Variants in SYNGR4 observed in about 807,000 individuals in gnomAD.
The protein encoded by SYNGR4 is synaptogyrin 4, also known as synaptogyrin-4.
In SYNGR4, 15 loss-of-function variants were observed where a neutral mutation model predicts 15.5. The observed-to-expected ratio is 0.97, with a 90% confidence interval of 0.65 to 1.49. The LOEUF (loss-of-function observed/expected upper bound fraction) is 1.49. SYNGR4 is among the 40% of genes most tolerant of loss of function. SYNGR4 has a pLI of 0.00. For synonymous variants in SYNGR4, 121 were observed against 127.4 expected (o/e 0.95, Z 0.34); for missense variants, 292 against 299.3 (o/e 0.98, Z 0.18).
At chr19:48,367,883 T>G (rs1405631727) in intron 2 of SYNGR4, among the ~76,000 whole-genome samples, 2 of 152,194 alleles carry the variant, frequency 1.3e-5, no homozygotes, top group Admixed American at 1.3e-4. Flanking sequence ...CCACTCCGCT[T>G]TAACAGAATT....
chr19:48,375,349 A>G (rs374423309), intron 3 of SYNGR4, among the ~76,000 whole-genome samples: 1 of 152,100 alleles, frequency 6.6e-6, no homozygotes, highest in Non-Finnish European at 1.5e-5. Flanking sequence ...TAATGAATAG[A>G]AATTTAAACC....
chr19:48,373,701 T>C lies in SYNGR4; in HGVS notation c.278T>C (p.Ile93Thr), dbSNP rs775418825. ...FLVLDTQETRIAGTRFKTAFQ... is the reference protein window; with the variant it reads ...FLVLDTQETRTAGTRFKTAFQ... ...GTCCTGGACACACAGGAGACCCGCA[T>C]TGCCGGCACCCGCTTCAAGACAGCC... Residue 93 changes from isoleucine (I) to threonine (T), a missense_variant, in exon 3 of 5, where the codon ATT becomes ACT. Ile to Thr is a moderately conservative substitution (Grantham distance 89). Transcript: ENST00000344846. The C allele has an allele frequency of 1.9e-6, 3 of 1,613,918 alleles. No homozygotes were observed.
intron 2 of SYNGR4, among the ~76,000 whole-genome samples, chr19:48,371,598 G>C (rs1970307617): frequency 7.3e-6 from 1 of 136,396 alleles, no homozygotes; most frequent in African/African-American, 2.9e-5. Context: ...TTTTTTTTGA[G>C]ACAGGGCCTC....
At chr19:48,373,895 C>A in intron 3 of SYNGR4, 141 bp downstream of exon 3, 3 of 777,542 alleles carry the variant, frequency 3.9e-6, no homozygotes, top group South Asian at 1.6e-5. Context: ...AGGCATCTGA[C>A]CACAAGTGGC....
At chr19:48,374,551 G>C (rs1483106029) in intron 3 of SYNGR4, among the ~76,000 whole-genome samples, 1 of 152,226 alleles carries the variant, frequency 6.6e-6, no homozygotes, top group Non-Finnish European at 1.5e-5. Context: ...AGTGACTTAG[G>C]GCCAAGGGAG....
intron 2 of SYNGR4, among the ~76,000 whole-genome samples, chr19:48,370,710 C>T (rs2147405734): frequency 6.6e-6 from 1 of 152,274 alleles, no homozygotes; most frequent in South Asian, 2.1e-4. Flanking sequence ...CAGGCATGAG[C>T]CACCACACCA....
At chr19:48,371,322 C>T (rs373393648) in intron 2 of SYNGR4, among the ~76,000 whole-genome samples, 4 of 152,154 alleles carry the variant, frequency 2.6e-5, no homozygotes, top group South Asian at 2.1e-4. Flanking sequence ...CTCTCTCCCC[C>T]ACCCCAGGCC....
intron 2 of SYNGR4, among the ~76,000 whole-genome samples, chr19:48,370,984 C>T (rs1970296114): frequency 6.6e-6 from 1 of 152,110 alleles, no homozygotes; most frequent in Admixed American, 6.6e-5. Flanking sequence ...CAAGGCTGAC[C>T]CCAGCTGTCC....
In SYNGR4 at chr19:48,364,389, G is replaced by A. The variant is rs1415042875; in HGVS notation, c.-256G>A. On this transcript the variant is annotated 5_prime_UTR_variant, in exon 1 of 5. Transcript: ENST00000344846. Reference sequence around the variant, plus strand: ...GCTGAGGTGGCGCTAGGGACCAGGAGGGGTGGGGGTGGCGAAAGGAAGGGC... The same window carrying A: ...GCTGAGGTGGCGCTAGGGACCAGGAAGGGTGGGGGTGGCGAAAGGAAGGGC... The A allele has an allele frequency of 6.2e-6, 1 of 160,356 alleles. No homozygotes were observed. Among genetic ancestry groups the A allele is most frequent in the South Asian group, 1.4e-4 (1 of 7,202 alleles). 9.9% of individuals were successfully genotyped at this position (160,356 alleles called of 1,614,324 possible).
chr19:48,369,332 C>T (rs1300820447), intron 2 of SYNGR4, among the ~76,000 whole-genome samples: 2 of 152,160 alleles, frequency 1.3e-5, no homozygotes, highest in South Asian at 2.1e-4. Context: ...CAGATGAGCC[C>T]CTGCTCCTCA....
At chr19:48,364,896 G>GT (rs1200606984) in intron 1 of SYNGR4, among the ~76,000 whole-genome samples, 1 of 151,844 alleles carries the variant, frequency 6.6e-6, no homozygotes, top group Non-Finnish European at 1.5e-5. Context: ...ACAAGACGTG[G>GT]TCCCCAAATA....
In SYNGR4 at chr19:48,365,822, C is replaced by T. The variant is rs1970207565; in HGVS notation, c.-21C>T. On this transcript the variant is annotated 5_prime_UTR_variant, in exon 2 of 5. Coordinates refer to ENST00000344846, the MANE Select transcript of SYNGR4 (RefSeq NM_012451.4). ...CACCCTGGCTCCCACCTCCCAGTGG[C>T]CCCAAAGGAAAACAGCTGCCATGCA... 1.9e-6 allele frequency: 3 copies of T among 1,612,758 alleles called. No individual in the cohort carries two copies. The highest frequency in any genetic ancestry group is 8.5e-7 in the Non-Finnish European group (1 of 1,179,644).
At chr19:48,371,772 A>G (rs1354496953) in intron 2 of SYNGR4, among the ~76,000 whole-genome samples, 1 of 151,272 alleles carries the variant, frequency 6.6e-6, no homozygotes, top group African/African-American at 2.4e-5. Context: ...GTTTTGGTAG[A>G]TACTAGGTAT....
chr19:48,365,710 C>A, intron 1 of SYNGR4, 26 bp from the exon 2 acceptor site: 1 of 738,970 alleles, frequency 1.4e-6, no homozygotes. Flanking sequence ...CCCTGACTGG[C>A]ATCCCCCATC....
chr19:48,365,963 C>T (rs756397370), intron 2 of SYNGR4, 28 bp downstream of exon 2: 9 of 1,609,260 alleles, frequency 5.6e-6, no homozygotes, highest in South Asian at 3.3e-5. Context: ...CCCGACTGTG[C>T]CCCTGGGTGA....
intron 3 of SYNGR4, among the ~76,000 whole-genome samples, chr19:48,374,989 AC>A (rs1970378686): frequency 6.7e-6 from 1 of 149,950 alleles, no homozygotes; most frequent in Non-Finnish European, 1.5e-5. Flanking sequence ...AACAACAACA[AC>A]AAAAAAAGAA....
chr19:48,375,722 C>A lies in SYNGR4; in HGVS notation c.441C>A (p.Ile147=). 1.2e-6 allele frequency: 2 copies of A among 1,613,874 alleles called. No individual in the cohort carries two copies. Residue 147 remains isoleucine, a synonymous_variant, in exon 4 of 5, where the codon ATC becomes ATA. Coordinates refer to ENST00000344846, the MANE Select transcript of SYNGR4 (RefSeq NM_012451.4). ...LLGSSSAQAA[I]AFTFFSILVW... ...GGAGCAGCAGTGCCCAGGCAGCCAT[C>A]GCCTTCACCTTCTTCTCCATCCTTG... is the stretch of plus-strand genomic sequence containing the variant.
In SYNGR4 at chr19:48,369,885, T is replaced by C. The variant is rs185850747; in HGVS notation, c.94-3632T>C. 5.4e-3 allele frequency among the ~76,000 whole-genome samples: 829 copies of C among 152,244 alleles called. 3 individuals are homozygous for C. Among genetic ancestry groups the C allele is most frequent in the Middle Eastern group, 0.017 (5 of 294 alleles). The stretch of plus-strand genomic sequence containing the variant: ...TTCTTCTGCTCCAAAATAGGGAGAA[T>C]CATCTTACAGCCTCCCTCCAAGGGT... On this transcript the variant is annotated intron_variant, in intron 2 of 4. Coordinates refer to ENST00000344846, the MANE Select transcript of SYNGR4 (RefSeq NM_012451.4).
In SYNGR4 at chr19:48,376,293, G is replaced by T. The variant is rs762250950; in HGVS notation, c.680G>T (p.Arg227Leu). The T allele has an allele frequency of 2.5e-6, 4 of 1,612,676 alleles. No individual in the cohort carries two copies. The highest frequency in any genetic ancestry group is 1.7e-5 in the Admixed American group (1 of 59,480). Reference protein sequence around the residue: ...SPCLTAPKSPRLAMMPDN With the variant: ...SPCLTAPKSPLLAMMPDN ...TGTCTGACCGCTCCAAAGTCCCCCC[G>T]GCTTGCTATGATGCCTGACAACTAA... Residue 227 changes from arginine (R) to leucine (L), a missense_variant, in exon 5 of 5, where the codon CGG becomes CTG. Arg to Leu is a moderately radical substitution (Grantham distance 102). Coordinates refer to ENST00000344846, the MANE Select transcript of SYNGR4 (RefSeq NM_012451.4).
Sources: allele counts gnomAD v4.1 joint callset (sites outside exome capture counted in the v4.1 genomes callset), GRCh38; gene constraint gnomAD v4.1.1; transcripts MANE v1.5; gene names NCBI Gene and HGNC (gene_info 2026-07-23, HGNC 2026-07-21).